PRKD1: variants seen among roughly 807,000 people sequenced by gnomAD.
PRKD1 encodes the protein protein kinase D1, also known as serine/threonine-protein kinase D1.
PRKD1 carries 63 observed loss-of-function variants against 95.9 expected under a neutral mutation model. The observed-to-expected ratio is 0.66, with a 90% CI of 0.54 to 0.81. PRKD1 has a LOEUF of 0.81. Ranked by LOEUF, PRKD1 falls within the 30% of genes least tolerant of loss-of-function variation. The probability of loss-of-function intolerance (pLI) is 0.00; values close to 1 mark genes in which losing one functional copy is unlikely to be tolerated. For synonymous variants in PRKD1, 425 were observed against 423.1 expected (o/e 1.00, Z -0.05); for missense variants, 1,048 against 1,165.3 (o/e 0.90, Z 1.47).
intron 13 of PRKD1, among the ~76,000 whole-genome samples, chr14:29,604,215 A>G (rs1893625125): frequency 6.6e-6 from 1 of 152,198 alleles, no homozygotes; most frequent in Non-Finnish European, 1.5e-5. Flanking sequence ...AAGTACTAAT[A>G]TTCTTTAAGT....
At chr14:29,847,389 G>A (rs1428128928) in intron 1 of PRKD1, among the ~76,000 whole-genome samples, 2 of 152,078 alleles carry the variant, frequency 1.3e-5, no homozygotes, top group Non-Finnish European at 1.5e-5. Context: ...ACAACATGAG[G>A]TTCTTTTTTG....
At chr14:29,853,376 T>G (rs1892378687) in intron 1 of PRKD1, among the ~76,000 whole-genome samples, 1 of 152,220 alleles carries the variant, frequency 6.6e-6, no homozygotes, top group African/African-American at 2.4e-5. Context: ...AATTGTAGCT[T>G]TCATTTGTAA....
chr14:29,610,042 A>G (rs934234160), intron 13 of PRKD1, among the ~76,000 whole-genome samples: 18 of 152,212 alleles, frequency 1.2e-4, no homozygotes, highest in Non-Finnish European at 1.8e-4. Flanking sequence ...TGAGAGGAGT[A>G]TGCAGAAAGC....
intron 2 of PRKD1, among the ~76,000 whole-genome samples, chr14:29,711,750 A>C (rs1438902155): frequency 6.6e-6 from 1 of 152,142 alleles, no homozygotes; most frequent in Non-Finnish European, 1.5e-5. Context: ...TAGTACTGTT[A>C]ATCTTGATGG....
chr14:29,859,214 G>A (rs1479698987), intron 1 of PRKD1, among the ~76,000 whole-genome samples: 2 of 152,208 alleles, frequency 1.3e-5, no homozygotes, highest in African/African-American at 4.8e-5. Flanking sequence ...GCTTATGCCT[G>A]TAATCCCAGC....
At chr14:29,765,053 T>G (rs992908559) in intron 1 of PRKD1, among the ~76,000 whole-genome samples, 3 of 152,148 alleles carry the variant, frequency 2.0e-5, no homozygotes, top group Non-Finnish European at 2.9e-5. Context: ...GCCTTGAACT[T>G]GGTTGCTGTT....
At chr14:29,776,090 T>A (rs1888739641) in intron 1 of PRKD1, among the ~76,000 whole-genome samples, 1 of 152,128 alleles carries the variant, frequency 6.6e-6, no homozygotes. Context: ...GGGTCCTGAC[T>A]GTCAGAAGGA....
Position 29,628,985 on chromosome 14 carries a change from C to T in PRKD1, c.1725+56G>A, listed in dbSNP as rs534203021. 8.4e-5 allele frequency: 103 copies of T among 1,226,404 alleles called. 2 individuals carry two copies. The South Asian group carries it at 1.8e-3, about 21-fold the overall frequency. 76.0% of individuals were successfully genotyped at this position (1,226,404 alleles called of 1,614,324 possible). On this transcript the variant is annotated intron_variant, in intron 11 of 17. Coordinates refer to ENST00000331968, the MANE Select transcript of PRKD1 (RefSeq NM_002742.3). ...GAATTAAAAAAACTATTTTATGATG[C>T]TTTTATTTTCCAGTAATCACATTAG...
chr14:29,640,031 C>G (rs1880658284), intron 4 of PRKD1, among the ~76,000 whole-genome samples: 1 of 152,260 alleles, frequency 6.6e-6, no homozygotes. Flanking sequence ...AACTGAATTA[C>G]TTTTGAACCG....
chr14:29,649,490 C>G (rs547430576), intron 4 of PRKD1, among the ~76,000 whole-genome samples: 1 of 149,312 alleles, frequency 6.7e-6, no homozygotes, highest in East Asian at 2.0e-4. Flanking sequence ...TTTGTAGTTG[C>G]TAGTGTAGTT....
chr14:29,844,596 G>C (rs969946681), intron 1 of PRKD1, among the ~76,000 whole-genome samples: 2 of 152,180 alleles, frequency 1.3e-5, no homozygotes, highest in African/African-American at 4.8e-5. Flanking sequence ...ATGTGGGTTT[G>C]TGGGTAATGT....
At chr14:29,845,652 T>TA (rs556663256) in intron 1 of PRKD1, among the ~76,000 whole-genome samples, 4 of 152,036 alleles carry the variant, frequency 2.6e-5, no homozygotes, top group South Asian at 4.2e-4. Context: ...CTAATACAAC[T>TA]AAAAAAAATC....
chr14:29,689,074 T>C (rs1252059747), intron 2 of PRKD1, among the ~76,000 whole-genome samples: 2 of 146,688 alleles, frequency 1.4e-5, no homozygotes, highest in Admixed American at 1.4e-4. Flanking sequence ...ACAATGAAAA[T>C]GCCAAAAGCA....
chr14:29,602,082 T>C (rs1041112131), intron 13 of PRKD1, among the ~76,000 whole-genome samples: 2 of 152,096 alleles, frequency 1.3e-5, no homozygotes, highest in Non-Finnish European at 2.9e-5. Flanking sequence ...TTCTGGGGAG[T>C]CTGGCTTCCT....
At chr14:29,885,125 A>T (rs77575898) in intron 1 of PRKD1, among the ~76,000 whole-genome samples, 995 of 36,230 alleles carry the variant, frequency 0.027, 12 homozygotes, top group African/African-American at 0.16. Flanking sequence ...TCCATCTTTT[A>T]AAAAAAAAAA....
chr14:29,926,644 A>C (rs1229044879), intron 1 of PRKD1, among the ~76,000 whole-genome samples: 1 of 152,184 alleles, frequency 6.6e-6, no homozygotes, highest in Non-Finnish European at 1.5e-5. Context: ...AAAAATAGGA[A>C]GGTCGCAACT....
chr14:29,654,590 T>A (rs996249338), intron 4 of PRKD1, among the ~76,000 whole-genome samples: 2 of 152,314 alleles, frequency 1.3e-5, no homozygotes, highest in African/African-American at 4.8e-5. Flanking sequence ...ATTGGTTACA[T>A]AAATCAATAT....
intron 1 of PRKD1, among the ~76,000 whole-genome samples, chr14:29,896,318 C>T (rs1398954562): frequency 2.6e-5 from 4 of 151,912 alleles, no homozygotes; most frequent in East Asian, 1.9e-4. Context: ...TTTCCATTAA[C>T]GTTTCCCAAT....
chr14:29,927,523 G>A lies in PRKD1; in HGVS notation c.-11C>T, dbSNP rs1895354622. On this transcript the variant is annotated 5_prime_UTR_variant, in exon 1 of 18. Coordinates refer to ENST00000331968, the MANE Select transcript of PRKD1 (RefSeq NM_002742.3). The stretch of plus-strand genomic sequence containing the variant: ...CGGAGGGGCGCTCATCGCTCGGCGG[G>A]GCGCAGGGCCGGGCAGCGGAGGGCG... The A allele has an allele frequency of 1.7e-6, 2 of 1,173,868 alleles. No homozygotes were observed. The highest frequency in any genetic ancestry group is 4.2e-5 in the South Asian group (1 of 23,920). 72.7% of individuals were successfully genotyped at this position (1,173,868 alleles called of 1,614,324 possible). A position where few individuals can be genotyped will look rare whatever the true frequency, so the allele number is the denominator to read the frequency against.
Sources: allele counts gnomAD v4.1 joint callset (sites outside exome capture counted in the v4.1 genomes callset), GRCh38; gene constraint gnomAD v4.1.1; transcripts MANE v1.5; gene names NCBI Gene and HGNC (gene_info 2026-07-23, HGNC 2026-07-21).